The following ACO2 variants were observed in gnomAD, a reference collection of about 807,000 sequenced individuals.
ACO2 encodes aconitate hydratase, mitochondrial.
A neutral mutation model predicts 84.5 loss-of-function variants in ACO2; 31 were observed. The observed-to-expected ratio is 0.37, with a 90% CI of 0.28 to 0.50. ACO2 has a LOEUF of 0.50. Among genes scored for constraint, ACO2 ranks in the 20% least tolerant of loss-of-function variants. The pLI is 0.97. For synonymous variants in ACO2, 414 were observed against 412.7 expected, an observed-to-expected ratio of 1.00 and a Z score of -0.04; for missense variants, 685 against 1,029.3, an observed-to-expected ratio of 0.67 and a Z score of 4.58.
At chr22:41,490,358 A>T (rs893500020) in intron 1 of ACO2, among the ~76,000 whole-genome samples, 3 of 152,202 alleles carry the variant, frequency 2.0e-5, no homozygotes, top group Non-Finnish European at 4.4e-5. Context: ...TCTAACAGAA[A>T]ATTTGACATT....
chr22:41,524,014 A>C, intron 12 of ACO2, 73 bp downstream of exon 12: 2 of 1,336,598 alleles, frequency 1.5e-6, no homozygotes, highest in Non-Finnish European at 2.1e-6. Context: ...GAGGAGGCAG[A>C]AGGAGATGGG....
At chr22:41,470,808 C>T (rs1351719615) in intron 1 of ACO2, among the ~76,000 whole-genome samples, 2 of 151,972 alleles carry the variant, frequency 1.3e-5, no homozygotes, top group Non-Finnish European at 2.9e-5. Flanking sequence ...CTCCCAAAGT[C>T]CTGGGATTAC....
chr22:41,506,906 G>A (rs996661818), intron 2 of ACO2, among the ~76,000 whole-genome samples: 3 of 151,974 alleles, frequency 2.0e-5, no homozygotes, highest in African/African-American at 4.8e-5. Flanking sequence ...CCTTTGCTCT[G>A]TTGTGTGGGT....
chr22:41,494,409 A>AT (rs1274952951), intron 1 of ACO2, among the ~76,000 whole-genome samples: 1 of 148,002 alleles, frequency 6.8e-6, no homozygotes, highest in African/African-American at 2.5e-5. Flanking sequence ...TGTATTCTGT[A>AT]TCTTTTTTTT....
chr22:41,518,842 A>T (rs2066496678), intron 8 of ACO2, among the ~76,000 whole-genome samples: 1 of 152,042 alleles, frequency 6.6e-6, no homozygotes, highest in Non-Finnish European at 1.5e-5. Context: ...GCTATTCAGG[A>T]GGCTGAGGCA....
In ACO2 at chr22:41,518,516, T is replaced by C. The variant is rs185392799; in HGVS notation, c.976T>C (p.Leu326=). The change falls in exon 8 of 18, where the codon TTG becomes CTG. Residue 326 remains leucine, a synonymous_variant. Transcript: ENST00000216254. ...ANLADEFKDH[L]VPDPGCHYDQ... ...TCTAGCTGATGAATTCAAGGATCAC[T>C]TGGTGCCTGACCCTGGCTGCCATTA... is the stretch of plus-strand genomic sequence containing the variant. 15 of 1,613,978 alleles carry C rather than the reference T, an allele frequency of 9.3e-6. No homozygotes were observed. The highest frequency in any genetic ancestry group is 3.3e-5 in the Admixed American group (2 of 60,014).
chr22:41,526,704 C>T (rs1449789319), intron 15 of ACO2: 3 of 448,640 alleles, frequency 6.7e-6, no homozygotes, highest in Non-Finnish European at 1.2e-5. Context: ...GATATCTGGC[C>T]CTAGACAAAG....
chr22:41,498,488 C>G (rs1319755886), intron 1 of ACO2, among the ~76,000 whole-genome samples: 2 of 152,162 alleles, frequency 1.3e-5, no homozygotes, highest in African/African-American at 2.4e-5. Flanking sequence ...TGGGGCCTCT[C>G]CAGAAGTTGC....
chr22:41,474,641 C>T (rs1044158009), intron 1 of ACO2, among the ~76,000 whole-genome samples: 7 of 119,542 alleles, frequency 5.9e-5, no homozygotes, highest in Non-Finnish European at 9.9e-5. Flanking sequence ...CTCTGTCACC[C>T]AGGCTGGAGT....
intron 4 of ACO2, among the ~76,000 whole-genome samples, chr22:41,514,466 G>T (rs932073616): frequency 6.6e-6 from 1 of 152,200 alleles, no homozygotes; most frequent in African/African-American, 2.4e-5. Flanking sequence ...ACTGAGCTCC[G>T]AGAGAAGTGA....
At position 41,507,800 on chromosome 22, in the gene ACO2, G is replaced by A. The variant is rs773989143; in HGVS notation, c.183G>A (p.Arg61=). 1.9e-6 allele frequency: 3 copies of A among 1,613,806 alleles called. No individual in the cohort carries two copies. Among genetic ancestry groups the A allele is most frequent in the Non-Finnish European group, 2.5e-6 (3 of 1,179,804 alleles). ...NINIVRKRLN[R]PLTLSEKIVY... is the part of the protein sequence containing the mutation. ...GCTCTTCTCCCCACAGACTGAACCG[G>A]CCGCTGACACTCTCGGAGAAGATTG... The change falls in exon 3 of 18, where the codon CGG becomes CGA. Residue 61 remains arginine (R), a synonymous_variant. Transcript: ENST00000216254.
At chr22:41,469,283 C>A in intron 1 of ACO2, 101 bp downstream of exon 1, 1 of 1,413,204 alleles carries the variant, frequency 7.1e-7, no homozygotes, top group Non-Finnish European at 9.6e-7. Flanking sequence ...AACCTGGGGC[C>A]AACTTCTCGT....
rs112159634 is a variant in ACO2 at position 41,503,261 on chromosome 22, C to CT, written c.173+3410dup. On this transcript the variant is annotated intron_variant, in intron 2 of 17. Coordinates refer to ENST00000216254, the MANE Select transcript of ACO2 (RefSeq NM_001098.3). ...CCAGAAAAGTCCAATAAATTTTTTT[C>CT]TTTTTTTTTTTAAAGTCCAATAACT... Among the ~76,000 whole-genome samples, 46 of 146,272 alleles carry CT rather than the reference C, an allele frequency of 3.1e-4. 2 individuals are homozygous for CT. The highest frequency in any genetic ancestry group is 3.0e-3 in the East Asian group (15 of 5,072).
At chr22:41,528,456 C>T in intron 17 of ACO2, 23 bp from the exon 18 acceptor site, 1 of 1,610,354 alleles carries the variant, frequency 6.2e-7, no homozygotes, top group South Asian at 1.1e-5. Context: ...CCACTTCCAC[C>T]CACACCCACC....
intron 1 of ACO2, among the ~76,000 whole-genome samples, chr22:41,477,087 C>T (rs1008491852): frequency 6.6e-6 from 1 of 150,904 alleles, no homozygotes; most frequent in South Asian, 2.1e-4. Flanking sequence ...TCTCCTGCCT[C>T]AGCCTCCCAA....
At chr22:41,483,405 C>T (rs1275546580) in intron 1 of ACO2, among the ~76,000 whole-genome samples, 1 of 152,054 alleles carries the variant, frequency 6.6e-6, no homozygotes. Flanking sequence ...GCCTGTAATC[C>T]CAGCACTTTG....
At chr22:41,486,952 C>T (rs1366859800) in intron 1 of ACO2, among the ~76,000 whole-genome samples, 1 of 152,000 alleles carries the variant, frequency 6.6e-6, no homozygotes, top group Non-Finnish European at 1.5e-5. Flanking sequence ...GGCGCCATCT[C>T]GGCTCACTGT....
At chr22:41,484,281 G>A (rs1465427367) in intron 1 of ACO2, among the ~76,000 whole-genome samples, 1 of 152,060 alleles carries the variant, frequency 6.6e-6, no homozygotes, top group African/African-American at 2.4e-5. Context: ...GTTCAGTGTG[G>A]GTACAATGGA....
At chr22:41,521,239 G>C (rs569937054) in intron 9 of ACO2, 2 of 152,148 alleles carry the variant, frequency 1.3e-5, no homozygotes, top group Non-Finnish European at 2.9e-5. Context: ...AGATTTTCCC[G>C]TTTTACATTT....
Sources: gnomAD v4.1 joint callset for allele counts (sites outside exome capture counted in the v4.1 genomes callset) on GRCh38, gnomAD v4.1.1 for gene constraint, MANE v1.5 for transcripts, NCBI Gene and HGNC (gene_info 2026-07-23, HGNC 2026-07-21) for gene names.